Variants in TNK2 observed in about 807,000 individuals in gnomAD.
TNK2 encodes the protein tyrosine kinase non receptor 2.
A neutral mutation model predicts 101.8 loss-of-function variants in TNK2; 83 were observed. The ratio of observed to expected loss-of-function variants is 0.82; its 90% CI spans 0.68 to 0.98. The LOEUF (loss-of-function observed/expected upper bound fraction) is 0.98. Ranked by LOEUF, TNK2 falls within the 50% of genes least tolerant of loss-of-function variation. TNK2 has a pLI of 0.00. For synonymous variants in TNK2, 804 were observed against 633.0 expected, an observed-to-expected ratio of 1.27 and a Z score of -4.06; for missense variants, 1,665 against 1,483.2, an observed-to-expected ratio of 1.12 and a Z score of -2.01.
At position 195,868,272 on chromosome 3, in the gene TNK2, C is replaced by T. The variant is rs933181065; in HGVS notation, c.2026G>A (p.Ala676Thr). The change falls in exon 13 of 16, where the codon GCC becomes ACC. Residue 676 changes from alanine (A) to threonine (T), a missense_variant. By Grantham distance (58) the Ala-to-Thr change is moderately conservative. Around this residue, in one of 3 missense-constraint regions of TNK2, gnomAD observed 1,136 missense variants for 894.9 expected, o/e 1.27. Transcript: ENST00000672887. The stretch of plus-strand genomic sequence containing the variant: ...TTGGTCTGGCCCTGGCTGGGCCCGG[C>T]AGGGACCCCCGCGCCCACGAGGGTG... ...NSTLVGAGVP[A>T]GPSQGQTNYA... 7 of 1,604,256 alleles carry T rather than the reference C, an allele frequency of 4.4e-6. No homozygotes were observed. The highest frequency in any genetic ancestry group is 1.6e-4 in the Middle Eastern group (1 of 6,082).
Position 195,884,914 on chromosome 3 carries a change from G to C in TNK2, c.354C>G (p.Thr118=), listed in dbSNP as rs772612514. 2 of 1,614,146 alleles carry C rather than the reference G, an allele frequency of 1.2e-6. No individual in the cohort carries two copies. Among genetic ancestry groups the C allele is most frequent in the Non-Finnish European group, 1.7e-6 (2 of 1,180,026 alleles). Residue 118 remains threonine (T), a synonymous_variant, in exon 4 of 16, where the codon ACC becomes ACG. Transcript: ENST00000672887. The stretch of plus-strand genomic sequence containing the variant: ...GCAGGTCCTTCTCCCCAATGAGGCA[G>C]GTGAGGCTCTGCAGGGGCCCCTCCC... ...PAGEGPLQSL[T]CLIGEKDLRL...
intron 9 of TNK2, 59 bp from the exon 10 acceptor site, chr3:195,872,529 G>A: frequency 6.6e-7 from 1 of 1,511,748 alleles, no homozygotes; most frequent in Non-Finnish European, 8.9e-7. Context: ...CCGGCACTGG[G>A]ACCCTCCTCA....
intron 9 of TNK2, among the ~76,000 whole-genome samples, chr3:195,877,833 A>G (rs1750282957): frequency 6.6e-6 from 1 of 151,944 alleles, no homozygotes; most frequent in Non-Finnish European, 1.5e-5. Flanking sequence ...GGAAAGCTGC[A>G]AGAGGGCAGG....
At chr3:195,875,748 A>C (rs1305161327) in intron 9 of TNK2, among the ~76,000 whole-genome samples, 2 of 152,154 alleles carry the variant, frequency 1.3e-5, no homozygotes, top group Non-Finnish European at 2.9e-5. Context: ...GGGGCGGATG[A>C]GGACTTCCTG....
At chr3:195,897,969 A>G (rs1760817433) in intron 1 of TNK2, among the ~76,000 whole-genome samples, 2 of 151,182 alleles carry the variant, frequency 1.3e-5, no homozygotes, top group Admixed American at 1.3e-4. Context: ...TGCTATCTCC[A>G]TTCCTGAATT....
intron 14 of TNK2, 69 bp from the exon 15 acceptor site, chr3:195,867,085 C>T (rs912132043): frequency 2.4e-5 from 38 of 1,607,102 alleles, no homozygotes; most frequent in South Asian, 9.9e-5. Context: ...AGAGGGGAGT[C>T]GGAGCCAGGG....
chr3:195,878,571 C>T lies in TNK2; in HGVS notation c.1036G>A (p.Glu346Lys), dbSNP rs970946035. The stretch of plus-strand genomic sequence containing the variant: ...TCGGGCCGGGGCAGCCGCTCCCCCT[C>T]CTTGTCGATCTTATGCAGGATCTGA... ...GSQILHKIDKEGERLPRPEDC... is the reference protein window; with the variant it reads ...GSQILHKIDKKGERLPRPEDC... The change falls in exon 8 of 16, where the codon GAG becomes AAG. Residue 346 changes from glutamate to lysine, a missense_variant. This residue lies in a region of TNK2 where 490 missense variants were observed against 522.5 expected (regional missense o/e 0.94). Coordinates refer to ENST00000672887, the MANE Select transcript of TNK2 (RefSeq NM_001382273.1). This position sits in a 1 kb window ranked among gnomAD's most constrained non-coding sequence, Gnocchi z 4.7. 1.2e-6 allele frequency: 2 copies of T among 1,613,232 alleles called. No individual in the cohort carries two copies. The highest frequency in any genetic ancestry group is 1.3e-5 in the African/African-American group (1 of 74,942).
chr3:195,898,593 T>G (rs1323659491), intron 1 of TNK2, among the ~76,000 whole-genome samples: 2 of 152,160 alleles, frequency 1.3e-5, no homozygotes, highest in East Asian at 3.8e-4. Flanking sequence ...AAGCCAAGTG[T>G]TTGCCCTTCC....
intron 6 of TNK2, 134 bp downstream of exon 6, chr3:195,881,917 A>T: frequency 1.9e-6 from 2 of 1,050,850 alleles, no homozygotes; most frequent in Non-Finnish European, 1.4e-6. Flanking sequence ...GGTGCAAAGG[A>T]GGGCACCCCA....
chr3:195,883,194 C>G lies in TNK2; in HGVS notation c.572G>C (p.Arg191Pro), dbSNP rs751730320. Residue 191 changes from arginine to proline, a missense_variant, in exon 5 of 16, where the codon CGC becomes CCC. Arg to Pro is a moderately radical substitution (Grantham distance 103). Coordinates refer to ENST00000672887, the MANE Select transcript of TNK2 (RefSeq NM_001382273.1). ...MHSLDHRNLI[R>P]LYGVVLTPPM... ...CGGCGTGAGCACCACCCCGTAGAGGCGGATGAGGTTTCGGTGGTCGAGCGA... is the reference window on the plus strand; with the variant it reads ...CGGCGTGAGCACCACCCCGTAGAGGGGGATGAGGTTTCGGTGGTCGAGCGA... 6.2e-6 allele frequency: 10 copies of G among 1,609,338 alleles called. No individual in the cohort carries two copies. In the Admixed American group the frequency reaches 1.2e-4, roughly 19 times the overall value.
At chr3:195,906,610 G>T (rs931547205) in intron 1 of TNK2, among the ~76,000 whole-genome samples, 1 of 149,986 alleles carries the variant, frequency 6.7e-6, no homozygotes, top group Non-Finnish European at 1.5e-5. Context: ...GGATGGAGGG[G>T]TTCCACAAGA....
intron 11 of TNK2, 134 bp downstream of exon 11, chr3:195,869,980 C>T (rs1743861575): frequency 1.4e-5 from 10 of 706,950 alleles, no homozygotes; most frequent in Non-Finnish European, 2.1e-5. Context: ...GCCAGGGACA[C>T]AGCTGTCCCG....
chr3:195,877,997 T>C (rs1292081755), intron 9 of TNK2, among the ~76,000 whole-genome samples: 2 of 151,452 alleles, frequency 1.3e-5, no homozygotes, highest in African/African-American at 4.9e-5. Flanking sequence ...TACCCCTCCA[T>C]AAAGGCAGCC....
chr3:195,891,741 C>G (rs1353164454), intron 1 of TNK2, among the ~76,000 whole-genome samples: 1 of 152,136 alleles, frequency 6.6e-6, no homozygotes, highest in African/African-American at 2.4e-5. Context: ...TCTTCTTTTT[C>G]CCACCACCAA....
chr3:195,868,303 G>A lies in TNK2; in HGVS notation c.1995C>T (p.Ile665=), dbSNP rs1355377131. ...QDEDDFEICS[I]NSTLVGAGVP... is the part of the protein sequence containing the mutation. ...CCCCCGCGCCCACGAGGGTGCTGTT[G>A]ATGGAGCAGATCTCAAAGTCATCCT... The change falls in exon 13 of 16, where the codon ATC becomes ATT. Residue 665 remains isoleucine, a synonymous_variant. Coordinates refer to ENST00000672887, the MANE Select transcript of TNK2 (RefSeq NM_001382273.1). The A allele has an allele frequency of 1.2e-6, 2 of 1,603,638 alleles. No individual in the cohort carries two copies. The highest frequency in any genetic ancestry group is 1.7e-5 in the Admixed American group (1 of 59,950).
At position 195,886,860 on chromosome 3, in the gene TNK2, C is replaced by T. The variant is rs1026296797; in HGVS notation, c.234+117G>A. On this transcript the variant is annotated intron_variant, in intron 3 of 15. Coordinates refer to ENST00000672887, the MANE Select transcript of TNK2 (RefSeq NM_001382273.1). This position sits in a 1 kb window ranked among gnomAD's most constrained non-coding sequence, Gnocchi z 4.2. ...GACGAGGGGGTCCTGTACAAAGTGCCGGCAGAACGGCGAGATTCGACCTGC... is the reference window on the plus strand; with the variant it reads ...GACGAGGGGGTCCTGTACAAAGTGCTGGCAGAACGGCGAGATTCGACCTGC... 29 of 1,141,630 alleles carry T rather than the reference C, an allele frequency of 2.5e-5. No individual in the cohort carries two copies. The highest frequency in any genetic ancestry group is 3.9e-4 in the Middle Eastern group (2 of 5,122). 70.7% of individuals were successfully genotyped at this position (1,141,630 alleles called of 1,614,324 possible). A position where few individuals can be genotyped will look rare whatever the true frequency, so the allele number is the denominator to read the frequency against.
At chr3:195,892,684 T>C in intron 1 of TNK2, 1 of 1,349,698 alleles carries the variant, frequency 7.4e-7, no homozygotes, top group East Asian at 3.0e-5. Context: ...GAGCAGAGCT[T>C]TCCTCACGCT....
rs1746033664 is a variant in TNK2, at chr3:195,872,334, T to C, written c.1393A>G (p.Thr465Ala). ...CGGGGGTCACTGTCGCCATGCCCTGTGTGGATGAAGCTGTTCTGCAGGGGC... is the reference window on the plus strand; with the variant it reads ...CGGGGGTCACTGTCGCCATGCCCTGCGTGGATGAAGCTGTTCTGCAGGGGC... Reference protein sequence around the residue: ...SQPLQNSFIHTGHGDSDPRHC... With the variant: ...SQPLQNSFIHAGHGDSDPRHC... The change falls in exon 10 of 16, where the codon ACA (threonine) becomes GCA (alanine). Residue 465 changes from threonine to alanine, a missense_variant. By Grantham distance (58) the Thr-to-Ala change is moderately conservative. Transcript: ENST00000672887. The C allele has an allele frequency of 6.2e-7, 1 of 1,613,312 alleles. No homozygotes were observed. The highest frequency in any genetic ancestry group is 8.5e-7 in the Non-Finnish European group (1 of 1,179,924).
chr3:195,872,257 A>G lies in TNK2; in HGVS notation c.1451+19T>C, dbSNP rs375449737. ...CCCGAGCGGGGCCAGGTCAGCATCCATCCCCGCCCAGTACTCACTCGTCAA... is the reference window on the plus strand; with the variant it reads ...CCCGAGCGGGGCCAGGTCAGCATCCGTCCCCGCCCAGTACTCACTCGTCAA... On this transcript the variant is annotated intron_variant, in intron 10 of 15. Coordinates refer to ENST00000672887, the MANE Select transcript of TNK2 (RefSeq NM_001382273.1). 1.9e-6 allele frequency: 3 copies of G among 1,612,730 alleles called. No individual in the cohort carries two copies. The highest frequency in any genetic ancestry group is 2.5e-6 in the Non-Finnish European group (3 of 1,179,604).
Sources: allele counts gnomAD v4.1 joint callset (sites outside exome capture counted in the v4.1 genomes callset), GRCh38; gene constraint gnomAD v4.1.1; regional missense constraint gnomAD v4.1.1; non-coding constraint Gnocchi (gnomAD v3.1); transcripts MANE v1.5; gene names NCBI Gene and HGNC (gene_info 2026-07-23, HGNC 2026-07-21).